The following EPAS1 variants were observed in gnomAD, a reference collection of about 807,000 sequenced individuals.
EPAS1 encodes the protein endothelial PAS domain protein 1.
In EPAS1, 23 loss-of-function variants were observed where a neutral mutation model predicts 87.9. The observed-to-expected ratio is 0.26, with a 90% CI of 0.19 to 0.37. The LOEUF is 0.37. Among genes scored for constraint, EPAS1 ranks in the 10% least tolerant of loss-of-function variants. EPAS1 has a pLI of 1.00. For missense variants in EPAS1, 1,138 were observed against 1,120.7 expected, an observed-to-expected ratio of 1.02 and a Z score of -0.22; for synonymous variants, 508 against 444.3, an observed-to-expected ratio of 1.14 and a Z score of -1.80.
intron 4 of EPAS1, among the ~76,000 whole-genome samples, chr2:46,357,562 C>T (rs1684294053): frequency 6.6e-6 from 1 of 152,230 alleles, no homozygotes; most frequent in Non-Finnish European, 1.5e-5. Context: ...AGCATCACTT[C>T]TGCCCCATCT....
At chr2:46,373,721 CTTG>C (rs1684674759) in intron 7 of EPAS1, among the ~76,000 whole-genome samples, 1 of 152,178 alleles carries the variant, frequency 6.6e-6, no homozygotes, top group Admixed American at 6.5e-5. Context: ...TTTGTCAAAA[CTTG>C]TTGAACTGTA....
At chr2:46,329,788 C>T (rs111383676) in intron 1 of EPAS1, among the ~76,000 whole-genome samples, 2,603 of 152,270 alleles carry the variant, frequency 0.017, 40 homozygotes, top group Non-Finnish European at 0.027. Flanking sequence ...CACCACTGCA[C>T]TCTGGGTGAC....
intron 1 of EPAS1, among the ~76,000 whole-genome samples, chr2:46,320,521 GC>G (rs1683435339): frequency 6.6e-6 from 1 of 152,194 alleles, no homozygotes; most frequent in African/African-American, 2.4e-5. Context: ...CAGTTTGTGG[GC>G]TAATGGAAAG....
chr2:46,338,429 A>G (rs1157941717), intron 1 of EPAS1, among the ~76,000 whole-genome samples: 5 of 152,228 alleles, frequency 3.3e-5, no homozygotes, highest in African/African-American at 9.6e-5. Flanking sequence ...AGTGGCAGAC[A>G]TCAGAGGCCA....
In EPAS1 at chr2:46,298,116, G is replaced by A. The variant is rs73926251; in HGVS notation, c.26+179G>A. 0.066 allele frequency among the ~76,000 whole-genome samples: 10,039 copies of A among 152,174 alleles called. 1,038 individuals carry two copies. Among genetic ancestry groups the A allele is most frequent in the African/African-American group, 0.22 (9,095 of 41,462 alleles). ...CCCGGTTTGGGGGCGCGGATCAGCA[G>A]CTTTGCAGTGGAGACTTCTGCGGCT... On this transcript the variant is annotated intron_variant, in intron 1 of 15. Coordinates refer to ENST00000263734, the MANE Select transcript of EPAS1 (RefSeq NM_001430.5).
chr2:46,368,269 G>C (rs886958064), intron 6 of EPAS1, among the ~76,000 whole-genome samples: 2 of 152,154 alleles, frequency 1.3e-5, no homozygotes, highest in Non-Finnish European at 2.9e-5. Flanking sequence ...GCTTTAGCTG[G>C]TCCTGGAGGT....
chr2:46,308,200 A>C (rs1046458462), intron 1 of EPAS1, among the ~76,000 whole-genome samples: 4 of 152,052 alleles, frequency 2.6e-5, no homozygotes, highest in Non-Finnish European at 2.9e-5. Flanking sequence ...TTCCTATTCA[A>C]ATAGCTCCTA....
intron 1 of EPAS1, among the ~76,000 whole-genome samples, chr2:46,341,669 A>G (rs1160071921): frequency 6.6e-6 from 1 of 152,166 alleles, no homozygotes; most frequent in East Asian, 1.9e-4. Context: ...AGAGGGAAAG[A>G]GTGTGGTTAG....
At position 46,360,833 on chromosome 2, in the gene EPAS1, C is replaced by T; in HGVS notation, c.574-52C>T. The T allele has an allele frequency of 1.2e-6, 2 of 1,612,700 alleles. No homozygotes were observed. Among genetic ancestry groups the T allele is most frequent in the South Asian group, 1.1e-5 (1 of 91,042 alleles). ...TGCAGGGGATGCCTAAGGCCCTACC[C>T]CCACCCCCAGCACTCTCGGCTCCAT... On this transcript the variant is annotated intron_variant, in intron 5 of 15. Coordinates refer to ENST00000263734, the MANE Select transcript of EPAS1 (RefSeq NM_001430.5). The surrounding 1 kb of genome is among the most constrained non-coding windows in gnomAD (Gnocchi z 4.5).
At chr2:46,308,825 G>C (rs1271995306) in intron 1 of EPAS1, among the ~76,000 whole-genome samples, 1 of 152,184 alleles carries the variant, frequency 6.6e-6, no homozygotes, top group Non-Finnish European at 1.5e-5. Context: ...GAGGGCACTA[G>C]CTCTCAGTTC....
chr2:46,317,046 G>A (rs1020448841), intron 1 of EPAS1, among the ~76,000 whole-genome samples: 7 of 152,200 alleles, frequency 4.6e-5, no homozygotes, highest in Admixed American at 3.3e-4. Flanking sequence ...TCATGAGGTT[G>A]CAACAGTTCA....
At chr2:46,310,671 C>T (rs79511790) in intron 1 of EPAS1, among the ~76,000 whole-genome samples, 1 of 152,194 alleles carries the variant, frequency 6.6e-6, no homozygotes, top group Non-Finnish European at 1.5e-5. Flanking sequence ...AATTTAGAAA[C>T]ACTTAAAGTC....
chr2:46,333,819 G>T (rs1342516573), intron 1 of EPAS1, among the ~76,000 whole-genome samples: 1 of 151,758 alleles, frequency 6.6e-6, no homozygotes, highest in Non-Finnish European at 1.5e-5. Context: ...CTTGCCCCAA[G>T]ATCTGACTCA....
chr2:46,339,258 T>C (rs895648723), intron 1 of EPAS1, among the ~76,000 whole-genome samples: 3 of 152,258 alleles, frequency 2.0e-5, no homozygotes, highest in Non-Finnish European at 4.4e-5. Context: ...ATTTTTGAAG[T>C]TGCTTATACT....
chr2:46,308,736 A>G (rs1007249160), intron 1 of EPAS1, among the ~76,000 whole-genome samples: 5 of 152,226 alleles, frequency 3.3e-5, no homozygotes, highest in Admixed American at 2.6e-4. Context: ...AGAATGCCTT[A>G]TACACTAATG....
intron 1 of EPAS1, among the ~76,000 whole-genome samples, chr2:46,301,502 G>A (rs539195354): frequency 1.2e-4 from 18 of 151,856 alleles, no homozygotes; most frequent in Middle Eastern, 3.4e-3. Context: ...GCTTGAACCC[G>A]GGAGGTAGAG....
intron 2 of EPAS1, among the ~76,000 whole-genome samples, chr2:46,350,502 T>C (rs1405431490): frequency 6.6e-6 from 1 of 152,152 alleles, no homozygotes; most frequent in African/African-American, 2.4e-5. Context: ...CCGATTGAGA[T>C]TCGTATCACA....
In EPAS1 at chr2:46,347,872, C is replaced by T. The variant is rs56799190; in HGVS notation, c.217+809C>T. Among the ~76,000 whole-genome samples, 3,588 of 152,266 alleles carry T rather than the reference C, an allele frequency of 0.024. 132 individuals are homozygous for T. Among genetic ancestry groups the T allele is most frequent in the African/African-American group, 0.081 (3,358 of 41,534 alleles). On this transcript the variant is annotated intron_variant, in intron 2 of 15. Coordinates refer to ENST00000263734, the MANE Select transcript of EPAS1 (RefSeq NM_001430.5). The surrounding 1 kb of genome is among the most constrained non-coding windows in gnomAD (Gnocchi z 4.2). ...GTCAGGGGTGTCAGTTCTGTAAGGA[C>T]GCTGGGCAACGAGTTGTGCTCCTCC...
Position 46,326,095 on chromosome 2 carries a change from C to A in EPAS1, c.27-20778C>A, listed in dbSNP as rs58280486. 2.3e-3 allele frequency among the ~76,000 whole-genome samples: 355 copies of A among 152,314 alleles called. 2 individuals carry two copies. The highest frequency in any genetic ancestry group is 8.0e-3 in the African/African-American group (333 of 41,566). On this transcript the variant is annotated intron_variant, in intron 1 of 15. Coordinates refer to ENST00000263734, the MANE Select transcript of EPAS1 (RefSeq NM_001430.5). ...TGATTCTGTGCTGCTGGGATTGGAT[C>A]AGTTCCTTCTAGGCATCAGTTGCCC...
Sources: allele counts gnomAD v4.1 joint callset (sites outside exome capture counted in the v4.1 genomes callset), GRCh38; gene constraint gnomAD v4.1.1; non-coding constraint Gnocchi (gnomAD v3.1); transcripts MANE v1.5; gene names NCBI Gene and HGNC (gene_info 2026-07-23, HGNC 2026-07-21).